Variants in GLDN observed in about 807,000 individuals in gnomAD.
GLDN encodes collomin.
A neutral mutation model predicts 56.5 loss-of-function variants in GLDN; 47 were observed. The ratio of observed to expected loss-of-function variants is 0.83; its 90% CI spans 0.66 to 1.06. The LOEUF is 1.06. GLDN is among the 50% of genes least tolerant of loss of function. The pLI, the probability that GLDN is intolerant of heterozygous loss-of-function variation, is 0.00. For synonymous variants in GLDN, 332 were observed against 278.8 expected (o/e 1.19, Z -1.90); for missense variants, 782 against 714.3 (o/e 1.09, Z -1.08).
At chr15:51,362,301 T>C (rs2037315075) in intron 1 of GLDN, among the ~76,000 whole-genome samples, 1 of 151,942 alleles carries the variant, frequency 6.6e-6, no homozygotes, top group South Asian at 2.1e-4. Flanking sequence ...ACTGACCAAC[T>C]TGGAGAAACT....
intron 2 of GLDN, among the ~76,000 whole-genome samples, chr15:51,380,334 C>T (rs2141094086): frequency 6.6e-6 from 1 of 152,320 alleles, no homozygotes; most frequent in East Asian, 1.9e-4. Flanking sequence ...GGACACCAGC[C>T]CTGCATGCAC....
intron 1 of GLDN, among the ~76,000 whole-genome samples, chr15:51,346,364 C>A (rs2470164): frequency 0.57 from 85,970 of 151,998 alleles, 27,023 homozygotes; most frequent in African/African-American, 0.85. Context: ...TGGAAAGTTC[C>A]GAAATAATCT....
chr15:51,403,735 T>C (rs557152086), intron 9 of GLDN, among the ~76,000 whole-genome samples: 1 of 152,348 alleles, frequency 6.6e-6, no homozygotes, highest in South Asian at 2.1e-4. Flanking sequence ...TGAAACTCTT[T>C]TTTTAAAATT....
chr15:51,381,747 C>T (rs1016654551), intron 2 of GLDN, among the ~76,000 whole-genome samples: 2 of 151,548 alleles, frequency 1.3e-5, no homozygotes, highest in Non-Finnish European at 2.9e-5. Context: ...ACTGAGTTGA[C>T]AGCTACAAAG....
At chr15:51,363,015 A>C (rs1756596706) in intron 1 of GLDN, among the ~76,000 whole-genome samples, 1 of 152,178 alleles carries the variant, frequency 6.6e-6, no homozygotes, top group Non-Finnish European at 1.5e-5. Context: ...ATGGGAAGGA[A>C]AGATTTGCCA....
At chr15:51,371,989 A>G (rs2037526829) in intron 1 of GLDN, among the ~76,000 whole-genome samples, 1 of 152,098 alleles carries the variant, frequency 6.6e-6, no homozygotes, top group Non-Finnish European at 1.5e-5. Context: ...CTGGCCAGGA[A>G]TTTATCTTTT....
chr15:51,360,711 A>T (rs1230029962), intron 1 of GLDN, among the ~76,000 whole-genome samples: 2 of 152,170 alleles, frequency 1.3e-5, no homozygotes, highest in African/African-American at 4.8e-5. Flanking sequence ...TGACTGGGGA[A>T]CCTTATTTTT....
chr15:51,400,608 G>C lies in GLDN; in HGVS notation c.1027+110G>C, dbSNP rs985958302. ...GTGTGTCTGAAATCCCCGGTAGCTGGTGTAATAAATGTCTCTTTATTTTAG... is the reference window on the plus strand; with the variant it reads ...GTGTGTCTGAAATCCCCGGTAGCTGCTGTAATAAATGTCTCTTTATTTTAG... On this transcript the variant is annotated intron_variant, in intron 8 of 9. Coordinates refer to ENST00000335449, the MANE Select transcript of GLDN (RefSeq NM_181789.4). 2.1e-5 allele frequency: 25 copies of C among 1,182,596 alleles called. No homozygotes were observed. The Middle Eastern group carries it at 1.2e-3, about 55-fold the overall frequency. 73.3% of individuals were successfully genotyped at this position (1,182,596 alleles called of 1,614,324 possible). A position where few individuals can be genotyped will look rare whatever the true frequency, so the allele number is the denominator to read the frequency against.
In GLDN at chr15:51,400,512, G is replaced by T; in HGVS notation, c.1027+14G>T. ...AGCATTTTTCAGGTACTTGCACTCG[G>T]CCTATGACCCATATCTGTGTGGTAA... is the stretch of plus-strand genomic sequence containing the variant. On this transcript the variant is annotated intron_variant, in intron 8 of 9. Coordinates refer to ENST00000335449, the MANE Select transcript of GLDN (RefSeq NM_181789.4). The T allele has an allele frequency of 6.2e-7, 1 of 1,613,160 alleles. No homozygotes were observed. The highest frequency in any genetic ancestry group is 8.5e-7 in the Non-Finnish European group (1 of 1,179,624).
chr15:51,404,727 GT>G lies in GLDN; in HGVS notation c.1634del (p.Leu545CysfsTer5). The G allele has an allele frequency of 6.2e-7, 1 of 1,600,316 alleles. No homozygotes were observed. Among genetic ancestry groups the G allele is most frequent in the East Asian group, 2.2e-5 (1 of 44,768 alleles). On this transcript the variant is annotated frameshift_variant, in exon 10 of 10. Coordinates refer to ENST00000335449, the MANE Select transcript of GLDN (RefSeq NM_181789.4). LOFTEE classifies it high-confidence loss of function. ...GCCATTTAATGCTTTATCCTGTGCA[GT>G]TTTTGTCAACTACCTTAAATCAGTG... ...DGHLMLYPVQFLSTTLNQ is the reference protein window; with the variant it reads ...DGHLMLYPVQXLSTTLNQ
intron 1 of GLDN, among the ~76,000 whole-genome samples, chr15:51,368,093 G>A (rs1461793909): frequency 1.3e-5 from 2 of 152,212 alleles, no homozygotes; most frequent in Non-Finnish European, 2.9e-5. Context: ...CAAAGTGACT[G>A]CCTGTCTGAA....
chr15:51,351,077 C>T, intron 1 of GLDN: 1 of 257,470 alleles, frequency 3.9e-6, no homozygotes, highest in South Asian at 4.9e-5. Context: ...TTTTTGTCTT[C>T]ATAATAAAAC....
chr15:51,351,642 G>A (rs953593304), intron 1 of GLDN, among the ~76,000 whole-genome samples: 1 of 152,172 alleles, frequency 6.6e-6, no homozygotes, highest in African/African-American at 2.4e-5. Context: ...GCAGTCACAG[G>A]CTCACCTGCC....
intron 2 of GLDN, among the ~76,000 whole-genome samples, chr15:51,379,899 A>G (rs896265126): frequency 1.1e-4 from 17 of 152,146 alleles, no homozygotes; most frequent in Non-Finnish European, 2.9e-5. Context: ...GTGAGTTTTT[A>G]TCTGCTACCT....
At chr15:51,380,440 AC>A (rs776886336) in intron 2 of GLDN, among the ~76,000 whole-genome samples, 7 of 152,196 alleles carry the variant, frequency 4.6e-5, no homozygotes, top group Non-Finnish European at 7.3e-5. Flanking sequence ...TTTTCTAAAC[AC>A]CCAGTTGGCA....
In GLDN at chr15:51,341,905, G is replaced by T. The variant is rs376941658; in HGVS notation, c.221G>T (p.Arg74Leu). The change falls in exon 1 of 10, where the codon CGC becomes CTC. Residue 74 changes from arginine (R) to leucine (L), a missense_variant. Arg to Leu is a moderately radical substitution (Grantham distance 102). Coordinates refer to ENST00000335449, the MANE Select transcript of GLDN (RefSeq NM_181789.4). ...ALRSFLAELS[R>L]APRGASAPPQ... is the part of the protein sequence containing the mutation. ...CGCTCCTTCCTGGCCGAGTTGAGCC[G>T]CGCGCCGCGCGGGGCGTCCGCACCA... 1.1e-4 allele frequency: 172 copies of T among 1,591,262 alleles called. No homozygotes were observed. Among genetic ancestry groups the T allele is most frequent in the Non-Finnish European group, 1.4e-4 (164 of 1,176,652 alleles).
chr15:51,400,311 A>T lies in GLDN; in HGVS notation c.901+36A>T, dbSNP rs781669571. 10 of 1,613,950 alleles carry T rather than the reference A, an allele frequency of 6.2e-6. No homozygotes were observed. The East Asian group carries it at 1.6e-4, about 25-fold the overall frequency. ...AAAGCGTCCTGTCTTGAAATTCAGA[A>T]ATTGAATACCTTCAAGTCATAATTG... On this transcript the variant is annotated intron_variant, in intron 7 of 9. Transcript: ENST00000335449.
At chr15:51,353,092 G>A (rs1396090539) in intron 1 of GLDN, among the ~76,000 whole-genome samples, 1 of 152,190 alleles carries the variant, frequency 6.6e-6, no homozygotes, top group African/African-American at 2.4e-5. Flanking sequence ...TCTGCATTCT[G>A]ATGGATCAGC....
rs1323229588 is a variant in GLDN at position 51,394,889 on chromosome 15, G to A, written c.596G>A (p.Gly199Asp). The A allele has an allele frequency of 6.2e-7, 1 of 1,613,694 alleles. No individual in the cohort carries two copies. Among genetic ancestry groups the A allele is most frequent in the Admixed American group, 1.7e-5 (1 of 59,966 alleles). The change falls in exon 5 of 10, where the codon GGT becomes GAT. Residue 199 changes from glycine to aspartate, a missense_variant. Transcript: ENST00000335449. ...PGERGEKGDHGELGLQGNEGP... is the reference protein window; with the variant it reads ...PGERGEKGDHDELGLQGNEGP... ...GAAAGGGGAGAAAAGGGAGACCATG[G>A]TGAACTGGGCCTGCAGGGAAATGAG...
Sources: gnomAD v4.1 joint callset for allele counts (sites outside exome capture counted in the v4.1 genomes callset) on GRCh38, gnomAD v4.1.1 for gene constraint, MANE v1.5 for transcripts, NCBI Gene and HGNC (gene_info 2026-07-23, HGNC 2026-07-21) for gene names.